Variants in SLC8A3 observed in about 807,000 individuals in gnomAD.
SLC8A3 encodes solute carrier family 8 member A3, also known as sodium/calcium exchanger 3.
A neutral mutation model predicts 65.4 loss-of-function variants in SLC8A3; 37 were observed. That is an observed-to-expected ratio of 0.57 (90% confidence interval 0.44 to 0.74). The LOEUF is 0.74. Among genes scored for constraint, SLC8A3 ranks in the 30% least tolerant of loss-of-function variants. The pLI is 0.00. For synonymous variants in SLC8A3, 461 were observed against 444.5 expected (o/e 1.04, Z -0.47); for missense variants, 1,112 against 1,172.1 (o/e 0.95, Z 0.75).
intron 2 of SLC8A3, among the ~76,000 whole-genome samples, chr14:70,136,312 C>A (rs73276767): frequency 6.2e-4 from 95 of 152,316 alleles, no homozygotes; most frequent in African/African-American, 2.2e-3. Flanking sequence ...ATTCTGGCCT[C>A]CAGAACTGTG....
intron 2 of SLC8A3, among the ~76,000 whole-genome samples, chr14:70,091,853 A>T (rs151305525): frequency 1.1e-3 from 171 of 152,220 alleles, no homozygotes; most frequent in Middle Eastern, 0.01. Flanking sequence ...TCACAATTGC[A>T]TTTATTACTA....
At position 70,046,257 on chromosome 14, in the gene SLC8A3, G is replaced by T; in HGVS notation, c.2456C>A (p.Thr819Lys). The change falls in exon 7 of 7, where the codon ACG becomes AAG. Residue 819 changes from threonine (T) to lysine (K), a missense_variant. Coordinates refer to ENST00000356921, the MANE Select transcript of SLC8A3 (RefSeq NM_182932.3). This position sits in a 1 kb window ranked among gnomAD's most constrained non-coding sequence, Gnocchi z 4.2. ...GAAGACATTGACGGCGTTGCTGCCC[G>T]TCACGTTGCCAATGGAGGCGTCTGC... ...VYADASIGNV[T>K]GSNAVNVFLG... 6.2e-7 allele frequency: 1 copy of T among 1,614,152 alleles called. No individual in the cohort carries two copies. The highest frequency in any genetic ancestry group is 2.2e-5 in the East Asian group (1 of 44,882).
chr14:70,135,947 T>C (rs938953298), intron 2 of SLC8A3, among the ~76,000 whole-genome samples: 2 of 152,246 alleles, frequency 1.3e-5, no homozygotes, highest in Non-Finnish European at 2.9e-5. Context: ...GTGATGGATA[T>C]TCCAATCACC....
intron 2 of SLC8A3, among the ~76,000 whole-genome samples, chr14:70,090,210 T>C (rs1891713845): frequency 6.6e-6 from 1 of 152,214 alleles, no homozygotes; most frequent in Non-Finnish European, 1.5e-5. Flanking sequence ...TGGCTGACCA[T>C]TGATTTATGC....
chr14:70,179,739 T>C (rs747755935), intron 1 of SLC8A3, among the ~76,000 whole-genome samples: 2 of 152,252 alleles, frequency 1.3e-5, no homozygotes, highest in African/African-American at 4.8e-5. Flanking sequence ...TCAGCATTTA[T>C]ACTGCATCAT....
intron 2 of SLC8A3, among the ~76,000 whole-genome samples, chr14:70,133,413 A>T (rs1316611846): frequency 6.6e-6 from 1 of 152,000 alleles, no homozygotes; most frequent in East Asian, 1.9e-4. Flanking sequence ...CCCAGAAAAA[A>T]CTGCAAGAGG....
At chr14:70,047,154 C>T (rs970292781) in intron 6 of SLC8A3, 3 of 152,172 alleles carry the variant, frequency 2.0e-5, no homozygotes, top group Non-Finnish European at 4.4e-5. Context: ...CACAGGGTAA[C>T]CTTCTTAAAG....
intron 2 of SLC8A3, among the ~76,000 whole-genome samples, chr14:70,071,364 C>G (rs967714022): frequency 4.6e-5 from 7 of 152,238 alleles, no homozygotes; most frequent in Middle Eastern, 3.4e-3. Context: ...CGCATGAACG[C>G]TTAAAAGCAA....
Position 70,122,613 on chromosome 14 carries a change from T to A in SLC8A3, c.1784+44026A>T, listed in dbSNP as rs118045951. 5.7e-3 allele frequency among the ~76,000 whole-genome samples: 861 copies of A among 152,326 alleles called. 24 individuals are homozygous for A. The East Asian group carries it at 0.076, about 13-fold the overall frequency. On this transcript the variant is annotated intron_variant, in intron 2 of 6. Transcript: ENST00000356921. ...TGTGATATATTGCATGGATGGCGCTTAGCCAAGGGCCTGGACCATAACGGG... is the reference window on the plus strand; with the variant it reads ...TGTGATATATTGCATGGATGGCGCTAAGCCAAGGGCCTGGACCATAACGGG...
intron 2 of SLC8A3, among the ~76,000 whole-genome samples, chr14:70,067,146 C>T (rs1889516132): frequency 6.6e-6 from 1 of 151,980 alleles, no homozygotes; most frequent in African/African-American, 2.4e-5. Context: ...CCCTTTCCCA[C>T]CTAAGGGCAA....
chr14:70,144,328 TTTTAAAAAA>T (rs1311408526), intron 2 of SLC8A3, among the ~76,000 whole-genome samples: 130 of 132,594 alleles, frequency 9.8e-4, no homozygotes, highest in African/African-American at 3.6e-3. Flanking sequence ...TTTTTTTTTT[TTTTAAAAAA>T]AAAAAAAAAA....
chr14:70,120,612 A>T (rs1215225187), intron 2 of SLC8A3, among the ~76,000 whole-genome samples: 1 of 152,104 alleles, frequency 6.6e-6, no homozygotes, highest in African/African-American at 2.4e-5. Flanking sequence ...ATGCTGCAGG[A>T]AGTGTAGCAG....
At chr14:70,156,610 A>G (rs1312431569) in intron 2 of SLC8A3, among the ~76,000 whole-genome samples, 4 of 152,156 alleles carry the variant, frequency 2.6e-5, no homozygotes, top group Non-Finnish European at 5.9e-5. Context: ...CACCTGACAC[A>G]ACCATACACT....
intron 2 of SLC8A3, among the ~76,000 whole-genome samples, chr14:70,145,110 G>A (rs1895844426): frequency 1.3e-5 from 2 of 152,190 alleles, no homozygotes; most frequent in Admixed American, 6.5e-5. Flanking sequence ...TTTGTTAACT[G>A]AGTATGAAAT....
intron 2 of SLC8A3, among the ~76,000 whole-genome samples, chr14:70,066,078 G>A (rs1043000830): frequency 6.6e-6 from 1 of 152,230 alleles, no homozygotes; most frequent in Non-Finnish European, 1.5e-5. Flanking sequence ...AAGGACAGGC[G>A]TTAACTAGTG....
chr14:70,149,387 G>C (rs1232731089), intron 2 of SLC8A3, among the ~76,000 whole-genome samples: 1 of 152,182 alleles, frequency 6.6e-6, no homozygotes, highest in Non-Finnish European at 1.5e-5. Flanking sequence ...CACGGGTCTT[G>C]CTCCAGATCA....
intron 2 of SLC8A3, among the ~76,000 whole-genome samples, chr14:70,077,357 T>C (rs2139968886): frequency 6.6e-6 from 1 of 152,344 alleles, no homozygotes; most frequent in East Asian, 1.9e-4. Context: ...GCACTGTACC[T>C]GCTGCCCCAG....
At chr14:70,178,249 C>T (rs962619667) in intron 1 of SLC8A3, among the ~76,000 whole-genome samples, 4 of 152,188 alleles carry the variant, frequency 2.6e-5, no homozygotes, top group African/African-American at 9.7e-5. Context: ...AAATGGAACC[C>T]AATCAAGGCC....
intron 2 of SLC8A3, among the ~76,000 whole-genome samples, chr14:70,119,707 T>C (rs963946853): frequency 3.9e-5 from 6 of 152,264 alleles, no homozygotes; most frequent in African/African-American, 1.4e-4. Flanking sequence ...TATGCAACTT[T>C]GCATTAGTTA....
Sources: gnomAD v4.1 joint callset for allele counts (sites outside exome capture counted in the v4.1 genomes callset) on GRCh38, gnomAD v4.1.1 for gene constraint, Gnocchi (gnomAD v3.1) non-coding constraint, MANE v1.5 for transcripts, NCBI Gene and HGNC (gene_info 2026-07-23, HGNC 2026-07-21) for gene names.